STK3: variants seen among roughly 807,000 people sequenced by gnomAD.
The protein encoded by STK3 is serine/threonine kinase 3, also known as serine/threonine-protein kinase 3.
Under a neutral mutation model 58.0 loss-of-function variants are expected in STK3, and 41 were observed. That is an observed-to-expected ratio of 0.71 (90% CI 0.55 to 0.92). STK3 has a LOEUF of 0.92. STK3 is among the 40% of genes least tolerant of loss of function. STK3 has a pLI of 0.00. For missense variants in STK3, 479 were observed against 602.7 expected, an observed-to-expected ratio of 0.79 and a Z score of 2.15; for synonymous variants, 170 against 191.0, an observed-to-expected ratio of 0.89 and a Z score of 0.91.
intron 10 of STK3, among the ~76,000 whole-genome samples, chr8:98,513,223 A>G (rs1824655906): frequency 6.6e-6 from 1 of 152,114 alleles, no homozygotes; most frequent in African/African-American, 2.4e-5. Flanking sequence ...AATGGGGCCA[A>G]ATCGCCAACC....
rs58054485 is a variant in STK3 at position 98,682,050 on chromosome 8, C to T, written c.684+24417G>A. On this transcript the variant is annotated intron_variant, in intron 6 of 10. Coordinates refer to ENST00000419617, the MANE Select transcript of STK3 (RefSeq NM_006281.4). ...AAATACCACAGAACCTGAGCAAGAT[C>T]CAGAAAAAGCAATGAAAATCTGCCC... Among the ~76,000 whole-genome samples the T allele has an allele frequency of 7.3e-3, 1,107 of 152,272 alleles. 11 individuals carry two copies. The highest frequency in any genetic ancestry group is 0.025 in the African/African-American group (1,033 of 41,562).
At chr8:98,373,090 C>T (rs1319974031) in intron 2 of STK3, among the ~76,000 whole-genome samples, 1 of 152,278 alleles carries the variant, frequency 6.6e-6, no homozygotes, top group Non-Finnish European at 1.5e-5. Context: ...GAAGGAAATT[C>T]GTTGGGTCTG....
At chr8:98,700,380 C>T (rs1201828288) in intron 6 of STK3, among the ~76,000 whole-genome samples, 3 of 152,206 alleles carry the variant, frequency 2.0e-5, no homozygotes, top group East Asian at 1.9e-4. Flanking sequence ...CACTGTCCTG[C>T]GCCCACTGTC....
intron 1 of STK3, among the ~76,000 whole-genome samples, chr8:98,776,389 G>A (rs1465540696): frequency 6.6e-6 from 1 of 152,178 alleles, no homozygotes; most frequent in African/African-American, 2.4e-5. Flanking sequence ...GTTATTCCTT[G>A]ACAACTGTTC....
At chr8:98,404,679 CAAAA>C (rs35146514) in intron 3 of STK3, among the ~76,000 whole-genome samples, 2 of 95,310 alleles carry the variant, frequency 2.1e-5, no homozygotes, top group Non-Finnish European at 1.9e-5. Flanking sequence ...GTCTCTGTCT[CAAAA>C]AAAAAAAAAA....
intron 6 of STK3, among the ~76,000 whole-genome samples, chr8:98,705,317 G>A (rs559270466): frequency 2.0e-5 from 3 of 152,124 alleles, no homozygotes; most frequent in South Asian, 2.1e-4. Context: ...GCAGGCTGAG[G>A]TGGGAGGATC....
At chr8:98,411,750 T>C (rs1179169103) in intron 3 of STK3, among the ~76,000 whole-genome samples, 1 of 152,228 alleles carries the variant, frequency 6.6e-6, no homozygotes, top group Non-Finnish European at 1.5e-5. Context: ...ATGCCTTATG[T>C]GTGACCAACA....
intron 8 of STK3, among the ~76,000 whole-genome samples, chr8:98,564,877 T>C (rs2131649143): frequency 6.6e-6 from 1 of 152,176 alleles, no homozygotes; most frequent in African/African-American, 2.4e-5. Context: ...CTGAAAAGAA[T>C]AGGCACTTTA....
chr8:98,682,258 C>T lies in STK3; in HGVS notation c.684+24209G>A, dbSNP rs547188229. Reference sequence around the variant, plus strand: ...CTCACTAATAAAAATGAAGAAAAACCATGGATATCAAATGAACCAAAATGT... The same window carrying T: ...CTCACTAATAAAAATGAAGAAAAACTATGGATATCAAATGAACCAAAATGT... On this transcript the variant is annotated intron_variant, in intron 6 of 10. Coordinates refer to ENST00000419617, the MANE Select transcript of STK3 (RefSeq NM_006281.4). Among the ~76,000 whole-genome samples the T allele has an allele frequency of 3.9e-5, 6 of 152,262 alleles. No individual in the cohort carries two copies. The South Asian group carries it at 1.2e-3, about 32-fold the overall frequency.
intron 6 of STK3, among the ~76,000 whole-genome samples, chr8:98,658,076 T>A (rs1191970187): frequency 1.3e-5 from 2 of 152,044 alleles, no homozygotes; most frequent in African/African-American, 4.8e-5. Context: ...CTTAAACATA[T>A]AAAATCTTTA....
At chr8:98,708,663 C>T (rs1052911781) in intron 4 of STK3, among the ~76,000 whole-genome samples, 4 of 152,130 alleles carry the variant, frequency 2.6e-5, no homozygotes, top group African/African-American at 9.7e-5. Context: ...TGCATTCTCT[C>T]ATTTATTCTT....
intron 4 of STK3, among the ~76,000 whole-genome samples, chr8:98,710,274 G>C (rs1377421822): frequency 1.3e-5 from 2 of 152,156 alleles, no homozygotes; most frequent in African/African-American, 2.4e-5. Flanking sequence ...CATCTCACTG[G>C]GGAGTATCGG....
At chr8:98,792,300 T>C (rs372589508) in intron 1 of STK3, among the ~76,000 whole-genome samples, 1 of 152,132 alleles carries the variant, frequency 6.6e-6, no homozygotes, top group Admixed American at 6.5e-5. Flanking sequence ...CAAAAAATAA[T>C]TGATGTTGTC....
intron 3 of STK3, among the ~76,000 whole-genome samples, chr8:98,408,767 A>G (rs1158954074): frequency 1.3e-5 from 2 of 152,244 alleles, no homozygotes; most frequent in Admixed American, 6.5e-5. Context: ...CGTTCTGCTT[A>G]GACAATAGGC....
intron 6 of STK3, among the ~76,000 whole-genome samples, chr8:98,675,052 A>C (rs1187300862): frequency 6.6e-6 from 1 of 152,216 alleles, no homozygotes; most frequent in Non-Finnish European, 1.5e-5. Context: ...CACTGTTTCA[A>C]AAGCACAGAG....
At chr8:98,578,200 A>G (rs1813566505) in intron 8 of STK3, among the ~76,000 whole-genome samples, 1 of 152,238 alleles carries the variant, frequency 6.6e-6, no homozygotes. Context: ...ATCATCACAC[A>G]GGAATCCAGG....
In STK3 at chr8:98,855,519, G is replaced by T. The variant is rs1564063716; in HGVS notation, c.110+28128C>A. 2.0e-5 allele frequency among the ~76,000 whole-genome samples: 3 copies of T among 152,220 alleles called. No individual in the cohort carries two copies. In the South Asian group the frequency reaches 6.2e-4, roughly 32 times the overall value. On this transcript the variant is annotated intron_variant, in intron 3 of 12. Coordinates refer to the STK3 transcript ENST00000523601. ...TATTTTTAAAAATTAACTCAAAATTGGTTAGTGACATAATAGAAGAGCAAA... is the reference window on the plus strand; with the variant it reads ...TATTTTTAAAAATTAACTCAAAATTTGTTAGTGACATAATAGAAGAGCAAA...
At chr8:98,410,333 A>C (rs1239021299) in intron 3 of STK3, among the ~76,000 whole-genome samples, 1 of 152,222 alleles carries the variant, frequency 6.6e-6, no homozygotes, top group African/African-American at 2.4e-5. Context: ...AATGAAATAG[A>C]GAGCTAGGAA....
chr8:98,517,596 T>A (rs866021491), intron 10 of STK3, among the ~76,000 whole-genome samples: 3 of 152,162 alleles, frequency 2.0e-5, no homozygotes, highest in African/African-American at 4.8e-5. Context: ...GAATTAAGTA[T>A]AAAATTACAA....
Sources: gnomAD v4.1 joint callset for allele counts (sites outside exome capture counted in the v4.1 genomes callset) on GRCh38, gnomAD v4.1.1 for gene constraint, MANE v1.5 for transcripts, NCBI Gene and HGNC (gene_info 2026-07-23, HGNC 2026-07-21) for gene names.